Variants in CHM observed in about 807,000 individuals in gnomAD.
CHM encodes the protein rab proteins geranylgeranyltransferase component A 1.
Under a neutral mutation model 49.0 loss-of-function variants are expected in CHM, and 10 were observed. The ratio of observed to expected loss-of-function variants is 0.20; its 90% CI spans 0.13 to 0.35. The LOEUF (loss-of-function observed/expected upper bound fraction) is 0.35, where lower values mean the gene tolerates loss of function less well. Among genes scored for constraint, CHM ranks in the 10% least tolerant of loss-of-function variants. The pLI is 1.00. For synonymous variants in CHM, 184 were observed against 167.5 expected (o/e 1.10, Z -0.76); for missense variants, 455 against 478.4 (o/e 0.95, Z 0.46).
At chrX:85,960,972 T>G (rs570853637) in intron 5 of CHM, among the ~76,000 whole-genome samples, 4 of 111,666 alleles carry the variant, frequency 3.6e-5, no homozygotes, top group African/African-American at 1.3e-4. Context: ...TTAACTAACC[T>G]ACCTTGAGCT....
intron 9 of CHM, among the ~76,000 whole-genome samples, chrX:85,904,428 G>T (rs910148730): frequency 1.2e-4 from 13 of 109,998 alleles, no homozygotes; most frequent in African/African-American, 4.3e-4. Context: ...ATGATGATGA[G>T]GAAGAAAATA....
intron 8 of CHM, among the ~76,000 whole-genome samples, chrX:85,932,611 T>C (rs1400267747): frequency 8.9e-6 from 1 of 112,031 alleles, no homozygotes; most frequent in Non-Finnish European, 1.9e-5. Context: ...TACAATACAG[T>C]GATTGCCTTA....
At chrX:85,991,478 A>G (rs1932183525) in intron 2 of CHM, among the ~76,000 whole-genome samples, 2 of 111,749 alleles carry the variant, frequency 1.8e-5, no homozygotes, top group South Asian at 7.4e-4. Flanking sequence ...CACTTAATTG[A>G]GTAGTGCCTG....
At chrX:85,994,769 T>A (rs770391538) in intron 2 of CHM, among the ~76,000 whole-genome samples, 1 of 109,871 alleles carries the variant, frequency 9.1e-6, no homozygotes, top group African/African-American at 3.3e-5. Context: ...AACAAAACAA[T>A]AAAACTAAAA....
intron 2 of CHM, among the ~76,000 whole-genome samples, chrX:86,014,345 C>A (rs1444655933): frequency 9.0e-6 from 1 of 111,273 alleles, no homozygotes; most frequent in Middle Eastern, 4.2e-3. Context: ...AAAACAAAGC[C>A]CAAATCTAGA....
intron 2 of CHM, among the ~76,000 whole-genome samples, chrX:85,992,548 C>T (rs1028363993): frequency 3.6e-5 from 4 of 111,140 alleles, no homozygotes; most frequent in African/African-American, 1.3e-4. Flanking sequence ...ACTGGACTTA[C>T]TCCCTACACA....
intron 2 of CHM, among the ~76,000 whole-genome samples, chrX:86,016,710 G>A (rs2147775549): frequency 8.9e-6 from 1 of 112,565 alleles, no homozygotes; most frequent in South Asian, 3.7e-4. Flanking sequence ...ACCTCTGCTA[G>A]GGCAGTGCAG....
At chrX:86,014,749 G>T (rs1161631595) in intron 2 of CHM, among the ~76,000 whole-genome samples, 1 of 111,912 alleles carries the variant, frequency 8.9e-6, no homozygotes, top group Non-Finnish European at 1.9e-5. Flanking sequence ...ACTTTGTGTG[G>T]CCAAGGCGGG....
intron 8 of CHM, among the ~76,000 whole-genome samples, chrX:85,915,934 T>C (rs1404692092): frequency 8.9e-6 from 1 of 112,184 alleles, no homozygotes. Flanking sequence ...TTCAAAGGAC[T>C]ACAAAAAAAA....
At chrX:85,991,984 C>T (rs1043475615) in intron 2 of CHM, among the ~76,000 whole-genome samples, 4 of 111,661 alleles carry the variant, frequency 3.6e-5, no homozygotes, top group African/African-American at 1.3e-4. Flanking sequence ...TATTGTCTAA[C>T]TCTCTCAGCT....
chrX:85,924,989 A>C (rs1928004430), intron 8 of CHM, among the ~76,000 whole-genome samples: 1 of 112,026 alleles, frequency 8.9e-6, no homozygotes, highest in Non-Finnish European at 1.9e-5. Flanking sequence ...AATATCTTTC[A>C]GTTTTTCCAG....
intron 8 of CHM, among the ~76,000 whole-genome samples, chrX:85,952,772 A>G (rs1189980380): frequency 5.3e-5 from 6 of 113,210 alleles, no homozygotes; most frequent in Non-Finnish European, 9.4e-5. Context: ...TTGGGAACTC[A>G]AGTCGAGGCC....
At chrX:85,901,777 A>G (rs1351938421) in intron 9 of CHM, among the ~76,000 whole-genome samples, 1 of 112,167 alleles carries the variant, frequency 8.9e-6, no homozygotes, top group Non-Finnish European at 1.9e-5. Context: ...GGATGATCAT[A>G]GAAAGATTTC....
chrX:85,921,649 A>G (rs1419558156), intron 8 of CHM, among the ~76,000 whole-genome samples: 1 of 112,169 alleles, frequency 8.9e-6, no homozygotes, highest in East Asian at 2.8e-4. Flanking sequence ...CCCCAGCTAA[A>G]ACCGTAAACT....
intron 2 of CHM, among the ~76,000 whole-genome samples, chrX:86,002,094 T>A (rs1932752541): frequency 9.0e-6 from 1 of 111,690 alleles, no homozygotes; most frequent in Admixed American, 9.5e-5. Flanking sequence ...TTATGACTAG[T>A]TTTTGTCCAG....
At chrX:85,995,165 C>T (rs1451141602) in intron 2 of CHM, among the ~76,000 whole-genome samples, 1 of 101,836 alleles carries the variant, frequency 9.8e-6, no homozygotes, top group Non-Finnish European at 2.0e-5. Context: ...AATATAATGA[C>T]ATTTGGTTTA....
At chrX:85,922,009 C>A (rs1440936422) in intron 8 of CHM, among the ~76,000 whole-genome samples, 2 of 112,014 alleles carry the variant, frequency 1.8e-5, no homozygotes, top group Non-Finnish European at 3.8e-5. Context: ...TGTGCATTTA[C>A]ACACATGTGC....
At chrX:86,019,823 G>C (rs1461814161) in intron 2 of CHM, 3 of 111,530 alleles carry the variant, frequency 2.7e-5, no homozygotes, top group Non-Finnish European at 5.7e-5. Flanking sequence ...CCAAAAATTG[G>C]GGTAGTAGTA....
chrX:86,000,898 C>A (rs193076100), intron 2 of CHM, among the ~76,000 whole-genome samples: 1 of 111,382 alleles, frequency 9.0e-6, no homozygotes, highest in African/African-American at 3.3e-5. Flanking sequence ...TATAAAAATA[C>A]AGGTAGATAT....
Sources: allele counts gnomAD v4.1 joint callset (sites outside exome capture counted in the v4.1 genomes callset), GRCh38; gene constraint gnomAD v4.1.1; transcripts MANE v1.5; gene names NCBI Gene and HGNC (gene_info 2026-07-23, HGNC 2026-07-21).